The following LRRFIP1 variants were observed in gnomAD, a reference collection of about 807,000 sequenced individuals.
LRRFIP1 encodes the protein LRR binding FLII interacting protein 1.
LRRFIP1 carries 62 observed loss-of-function variants against 104.4 expected under a neutral mutation model. The ratio of observed to expected loss-of-function variants is 0.59; its 90% CI spans 0.48 to 0.73. The LOEUF (loss-of-function observed/expected upper bound fraction) is 0.73, where lower values mean the gene tolerates loss of function less well. Among genes scored for constraint, LRRFIP1 ranks in the 30% least tolerant of loss-of-function variants. LRRFIP1 has a pLI of 0.00. For missense variants in LRRFIP1, 796 were observed against 824.5 expected, an observed-to-expected ratio of 0.97 and a Z score of 0.42; for synonymous variants, 300 against 299.0, an observed-to-expected ratio of 1.00 and a Z score of -0.03.
intron 1 of LRRFIP1, chr2:237,692,269 C>T (rs1026110579): frequency 2.6e-6 from 3 of 1,163,310 alleles, no homozygotes; most frequent in African/African-American, 1.6e-5. Context: ...CGGCCGCGCC[C>T]GAGCCCAGCG....
intron 19 of LRRFIP1, chr2:237,763,184 A>G (rs775206267): frequency 2.3e-5 from 37 of 1,614,232 alleles, no homozygotes; most frequent in Non-Finnish European, 3.1e-5. Context: ...TCCAGCGCAC[A>G]GTACAGAAGT....
Position 237,760,044 on chromosome 2 carries a change from G to T in LRRFIP1, c.1318-20G>T, listed in dbSNP as rs1422795188. ...AATATCACTGAGTAAATATTACGATGAGCCTATTTTTGTTCCCAGAAACAT... is the reference window on the plus strand; with the variant it reads ...AATATCACTGAGTAAATATTACGATTAGCCTATTTTTGTTCCCAGAAACAT... On this transcript the variant is annotated intron_variant, in intron 18 of 23. Transcript: ENST00000308482. 6.2e-7 allele frequency: 1 copy of T among 1,610,304 alleles called. No homozygotes were observed. Among genetic ancestry groups the T allele is most frequent in the Non-Finnish European group, 8.5e-7 (1 of 1,177,046 alleles).
intron 1 of LRRFIP1, among the ~76,000 whole-genome samples, chr2:237,694,498 G>A (rs970151658): frequency 8.5e-5 from 13 of 152,176 alleles, no homozygotes; most frequent in Non-Finnish European, 1.5e-4. Context: ...GTCACCCAGC[G>A]GCTGCCCTGG....
Position 237,649,641 on chromosome 2 carries a change from G to A in LRRFIP1, c.96+21901G>A, listed in dbSNP as rs974527463. Among the ~76,000 whole-genome samples, 8 of 151,864 alleles carry A rather than the reference G, an allele frequency of 5.3e-5. No individual in the cohort carries two copies. Among genetic ancestry groups the A allele is most frequent in the African/African-American group, 1.4e-4 (6 of 41,408 alleles). On this transcript the variant is annotated intron_variant, in intron 1 of 23. Transcript: ENST00000308482. The surrounding 1 kb of genome is among the most constrained non-coding windows in gnomAD (Gnocchi z 4.1). The stretch of plus-strand genomic sequence containing the variant: ...TTCTGAGAAGAAGGTGACTTTTCCC[G>A]GTTGCTGTCCATGCAGACTGTGAGG...
intron 11 of LRRFIP1, among the ~76,000 whole-genome samples, chr2:237,746,366 T>C (rs1469065573): frequency 6.6e-6 from 1 of 152,102 alleles, no homozygotes; most frequent in Non-Finnish European, 1.5e-5. Flanking sequence ...GCCTTGAAAT[T>C]TTGATTTGAA....
intron 8 of LRRFIP1, 80 bp downstream of exon 8, chr2:237,728,015 T>C: frequency 1.9e-6 from 2 of 1,034,682 alleles, no homozygotes; most frequent in Non-Finnish European, 2.9e-6. Flanking sequence ...AATTGCTAAA[T>C]TTAAATTTAG....
At chr2:237,771,113 A>G (rs377675008) in intron 20 of LRRFIP1, among the ~76,000 whole-genome samples, 1 of 152,094 alleles carries the variant, frequency 6.6e-6, no homozygotes, top group East Asian at 1.9e-4. Flanking sequence ...GTAGGAAGGC[A>G]GGTGATCACC....
chr2:237,659,100 T>C (rs2087368438), intron 1 of LRRFIP1, among the ~76,000 whole-genome samples: 1 of 151,956 alleles, frequency 6.6e-6, no homozygotes, highest in South Asian at 2.1e-4. Flanking sequence ...TATTATTATA[T>C]CTTTTTTTAA....
At chr2:237,731,620 G>A (rs10187629) in intron 8 of LRRFIP1, among the ~76,000 whole-genome samples, 19,184 of 152,078 alleles carry the variant, frequency 0.13, 2,768 homozygotes, top group African/African-American at 0.36. Context: ...TGTTGCAGAG[G>A]GCACTTAGTC....
intron 11 of LRRFIP1, among the ~76,000 whole-genome samples, chr2:237,747,902 C>T (rs946310740): frequency 3.9e-5 from 6 of 152,090 alleles, no homozygotes; most frequent in African/African-American, 1.4e-4. Context: ...CCCTTCCCCC[C>T]ACCCAGTCCT....
chr2:237,762,968 C>T (rs2060022461), intron 19 of LRRFIP1: 3 of 1,614,064 alleles, frequency 1.9e-6, no homozygotes, highest in Admixed American at 3.3e-5. Context: ...TGGTGGGAAC[C>T]ACACAGAGAA....
At chr2:237,633,289 AG>A (rs1352673511) in intron 1 of LRRFIP1, among the ~76,000 whole-genome samples, 2 of 152,194 alleles carry the variant, frequency 1.3e-5, no homozygotes, top group Non-Finnish European at 2.9e-5. Flanking sequence ...GAGCTGTTGG[AG>A]GGCGTGAACA....
rs2061426905 is a variant in LRRFIP1 at position 237,781,630 on chromosome 2, T to A, written c.*2098T>A. Among the ~76,000 whole-genome samples, 1 of 152,228 alleles carries A rather than the reference T, an allele frequency of 6.6e-6. No individual in the cohort carries two copies. The highest frequency in any genetic ancestry group is 1.5e-5 in the Non-Finnish European group (1 of 68,046). On this transcript the variant is annotated 3_prime_UTR_variant, in exon 24 of 24. Coordinates refer to ENST00000308482, the MANE Select transcript of LRRFIP1 (RefSeq NM_001137550.2). ...AATTTATTTAGTAAAATAAAACTTT[T>A]TTTGCAGATGTAACGAATGGAAATT...
chr2:237,690,755 G>T (rs78001392), intron 1 of LRRFIP1, among the ~76,000 whole-genome samples: 1 of 150,390 alleles, frequency 6.6e-6, no homozygotes, highest in Non-Finnish European at 1.5e-5. Context: ...AAAAAAGAAA[G>T]AAAGAAAGAA....
intron 11 of LRRFIP1, among the ~76,000 whole-genome samples, chr2:237,744,901 C>G (rs1373259853): frequency 2.0e-5 from 3 of 152,284 alleles, no homozygotes; most frequent in Non-Finnish European, 4.4e-5. Flanking sequence ...GCAGAGCAGC[C>G]TGGACCGTCT....
chr2:237,681,880 C>T (rs1000157681), intron 1 of LRRFIP1, among the ~76,000 whole-genome samples: 4 of 151,124 alleles, frequency 2.6e-5, no homozygotes, highest in East Asian at 1.9e-4. Context: ...GGGGTTTCAC[C>T]GTTTTAGCTG....
chr2:237,761,045 A>G (rs56264743), intron 19 of LRRFIP1, among the ~76,000 whole-genome samples: 7 of 152,284 alleles, frequency 4.6e-5, no homozygotes, highest in African/African-American at 9.6e-5. Context: ...GTGTTTTACA[A>G]AGAGGCTGGA....
intron 2 of LRRFIP1, among the ~76,000 whole-genome samples, chr2:237,712,268 C>CT (rs1489947134): frequency 6.6e-6 from 1 of 152,180 alleles, no homozygotes; most frequent in Non-Finnish European, 1.5e-5. Flanking sequence ...GTCTTCCTAG[C>CT]TCACCCCTCT....
intron 1 of LRRFIP1, among the ~76,000 whole-genome samples, chr2:237,694,166 T>C (rs2093008041): frequency 6.6e-6 from 1 of 152,254 alleles, no homozygotes; most frequent in African/African-American, 2.4e-5. Context: ...TGAATTTTCT[T>C]ACGTTTCTCT....
Sources: allele counts gnomAD v4.1 joint callset (sites outside exome capture counted in the v4.1 genomes callset), GRCh38; gene constraint gnomAD v4.1.1; non-coding constraint Gnocchi (gnomAD v3.1); transcripts MANE v1.5; gene names NCBI Gene and HGNC (gene_info 2026-07-23, HGNC 2026-07-21).